The following UBAC2 variants were observed in gnomAD, a reference collection of about 807,000 sequenced individuals.
UBAC2 encodes the protein ubiquitin-associated domain-containing protein 2.
UBAC2 carries 26 observed loss-of-function variants against 44.0 expected under a neutral mutation model. The ratio of observed to expected loss-of-function variants is 0.59; its 90% CI spans 0.43 to 0.82. The LOEUF is 0.82. UBAC2 is among the 40% of genes least tolerant of loss of function. The pLI is 0.00. For synonymous variants in UBAC2, 155 were observed against 154.3 expected (o/e 1.00, Z -0.04); for missense variants, 329 against 419.4 (o/e 0.78, Z 1.88).
chr13:99,239,442 T>C (rs2043275908), intron 2 of UBAC2, among the ~76,000 whole-genome samples: 1 of 152,248 alleles, frequency 6.6e-6, no homozygotes, highest in Admixed American at 6.5e-5. Flanking sequence ...CCTAGATTTA[T>C]ATAAACACAG....
chr13:99,330,800 A>G (rs1158832269), intron 6 of UBAC2, among the ~76,000 whole-genome samples: 1 of 152,180 alleles, frequency 6.6e-6, no homozygotes, highest in Non-Finnish European at 1.5e-5. Flanking sequence ...AATCTTTTAG[A>G]GCTTCACATT....
Position 99,340,432 on chromosome 13 carries a change from C to T in UBAC2, c.674C>T (p.Ser225Leu), listed in dbSNP as rs1439694236. ...SWTLEPIFSS[S>L]EPTSEARIGM... is the part of the protein sequence containing the mutation. Reference sequence around the variant, plus strand: ...ACACTTGAACCCATCTTCTCTTCTTCAGAACCCACCAGCGAAGCCAGAATT... The same window carrying T: ...ACACTTGAACCCATCTTCTCTTCTTTAGAACCCACCAGCGAAGCCAGAATT... The change falls in exon 7 of 9, where the codon TCA becomes TTA. Residue 225 changes from serine (S) to leucine (L), a missense_variant. Coordinates refer to ENST00000403766, the MANE Select transcript of UBAC2 (RefSeq NM_001144072.2). 1.2e-6 allele frequency: 2 copies of T among 1,614,220 alleles called. No homozygotes were observed. The highest frequency in any genetic ancestry group is 2.2e-5 in the South Asian group (2 of 91,084).
intron 7 of UBAC2, among the ~76,000 whole-genome samples, chr13:99,350,006 G>A (rs932846157): frequency 1.3e-5 from 2 of 152,114 alleles, no homozygotes; most frequent in African/African-American, 4.8e-5. Context: ...TCATGCCGGC[G>A]TGACAGAGGG....
intron 4 of UBAC2, among the ~76,000 whole-genome samples, chr13:99,278,948 A>G (rs2043918737): frequency 6.6e-6 from 1 of 152,190 alleles, no homozygotes; most frequent in Non-Finnish European, 1.5e-5. Flanking sequence ...GCAGAGAATT[A>G]TATTTCTGAG....
At chr13:99,246,178 T>C (rs1332123794) in intron 4 of UBAC2, among the ~76,000 whole-genome samples, 2 of 152,214 alleles carry the variant, frequency 1.3e-5, no homozygotes, top group Non-Finnish European at 2.9e-5. Context: ...TGTAGCTGCC[T>C]TTTGTGAATT....
At chr13:99,368,736 C>T (rs2045367237) in intron 8 of UBAC2, among the ~76,000 whole-genome samples, 1 of 141,456 alleles carries the variant, frequency 7.1e-6, no homozygotes, top group Non-Finnish European at 1.6e-5. Flanking sequence ...TACACATACC[C>T]TCACTCTGAC....
At chr13:99,306,526 C>A (rs2044338766) in intron 4 of UBAC2, among the ~76,000 whole-genome samples, 1 of 152,068 alleles carries the variant, frequency 6.6e-6, no homozygotes, top group Non-Finnish European at 1.5e-5. Flanking sequence ...CCTCCCCCAA[C>A]ACACACACAA....
At chr13:99,302,244 T>C (rs2044267289) in intron 4 of UBAC2, among the ~76,000 whole-genome samples, 1 of 152,374 alleles carries the variant, frequency 6.6e-6, no homozygotes, top group Non-Finnish European at 1.5e-5. Context: ...ACACTGTCCT[T>C]GGCTACTTTG....
At chr13:99,258,102 C>T (rs2043599143) in intron 4 of UBAC2, 2 of 152,172 alleles carry the variant, frequency 1.3e-5, no homozygotes, top group Admixed American at 6.5e-5. Flanking sequence ...AAATGCAGTA[C>T]ATAAAGCATT....
chr13:99,361,387 G>T (rs148755055), intron 7 of UBAC2, among the ~76,000 whole-genome samples: 1 of 152,138 alleles, frequency 6.6e-6, no homozygotes, highest in Admixed American at 6.5e-5. Flanking sequence ...ACCTAGAGCC[G>T]TAACTTTCTG....
chr13:99,301,742 A>T (rs2044260268), intron 4 of UBAC2, among the ~76,000 whole-genome samples: 1 of 152,250 alleles, frequency 6.6e-6, no homozygotes, highest in South Asian at 2.1e-4. Context: ...CACAGAGGAC[A>T]TGTACCTTCC....
intron 1 of UBAC2, among the ~76,000 whole-genome samples, chr13:99,206,194 A>T (rs1251469786): frequency 1.3e-5 from 2 of 152,200 alleles, no homozygotes; most frequent in Admixed American, 6.5e-5. Context: ...TACTCGGGAC[A>T]CTTGGGGAAA....
At chr13:99,204,429 G>A (rs2142634650) in intron 1 of UBAC2, among the ~76,000 whole-genome samples, 1 of 152,294 alleles carries the variant, frequency 6.6e-6, no homozygotes, top group African/African-American at 2.4e-5. Flanking sequence ...GGGTGGTTAT[G>A]GCTGGAGTGA....
chr13:99,382,648 G>A lies in UBAC2; in HGVS notation c.928-2580G>A, dbSNP rs369170599. ...ATCCTGAAACACAGGAATGAGCAAA[G>A]GCAGCCACAGCCCTCATACTGGGAG... is the stretch of plus-strand genomic sequence containing the variant. On this transcript the variant is annotated intron_variant, in intron 8 of 8. Transcript: ENST00000403766. Among the ~76,000 whole-genome samples, 10 of 152,312 alleles carry A rather than the reference G, an allele frequency of 6.6e-5. 1 individual carries two copies. The East Asian group carries it at 9.7e-4, about 15-fold the overall frequency.
chr13:99,259,437 T>C (rs932923462), intron 4 of UBAC2, among the ~76,000 whole-genome samples: 1 of 152,100 alleles, frequency 6.6e-6, no homozygotes, highest in Non-Finnish European at 1.5e-5. Flanking sequence ...ATACTTTTGA[T>C]TGTTACAACC....
intron 5 of UBAC2, among the ~76,000 whole-genome samples, chr13:99,316,598 G>A (rs1028252912): frequency 6.6e-6 from 1 of 152,198 alleles, no homozygotes; most frequent in African/African-American, 2.4e-5. Flanking sequence ...CACTGGGTGA[G>A]ATGTAGCCCC....
At chr13:99,248,805 G>C (rs2043421149) in intron 4 of UBAC2, among the ~76,000 whole-genome samples, 1 of 152,188 alleles carries the variant, frequency 6.6e-6, no homozygotes, top group Non-Finnish European at 1.5e-5. Context: ...GGGATTATAG[G>C]CGTGACCACC....
chr13:99,352,451 T>G (rs1283577514), intron 7 of UBAC2, among the ~76,000 whole-genome samples: 2 of 152,218 alleles, frequency 1.3e-5, no homozygotes, highest in Non-Finnish European at 2.9e-5. Flanking sequence ...TATGACTGGC[T>G]TCTTTCGCTG....
chr13:99,231,173 C>G (rs1421649154), intron 1 of UBAC2, among the ~76,000 whole-genome samples: 6 of 152,112 alleles, frequency 3.9e-5, no homozygotes, highest in African/African-American at 7.2e-5. Context: ...GCTGTGTAAC[C>G]CAACATAGTC....
Sources: allele counts gnomAD v4.1 joint callset (sites outside exome capture counted in the v4.1 genomes callset), GRCh38; gene constraint gnomAD v4.1.1; transcripts MANE v1.5; gene names NCBI Gene and HGNC (gene_info 2026-07-23, HGNC 2026-07-21).